Variants in DMD observed in about 807,000 individuals in gnomAD.
The protein encoded by DMD is dystrophin.
Under a neutral mutation model 330.1 loss-of-function variants are expected in DMD, and 63 were observed. The ratio of observed to expected loss-of-function variants is 0.19; its 90% CI spans 0.16 to 0.24. DMD has a LOEUF of 0.24. DMD is among the 10% of genes least tolerant of loss of function. The probability of loss-of-function intolerance (pLI) is 1.00; values close to 1 mark genes in which losing one functional copy is unlikely to be tolerated. For missense variants in DMD, 3,344 were observed against 2,684.1 expected, an observed-to-expected ratio of 1.25 and a Z score of -5.43; for synonymous variants, 1,223 against 959.8, an observed-to-expected ratio of 1.27 and a Z score of -5.07.
intron 1 of DMD, among the ~76,000 whole-genome samples, chrX:33,178,375 G>A (rs1254324284): frequency 2.7e-5 from 3 of 111,648 alleles, no homozygotes; most frequent in African/African-American, 9.8e-5. Flanking sequence ...CCATGGCCCT[G>A]CTCTACCGGC....
At chrX:31,831,637 C>G (rs943116704) in intron 49 of DMD, among the ~76,000 whole-genome samples, 3 of 111,419 alleles carry the variant, frequency 2.7e-5, no homozygotes, top group Admixed American at 9.5e-5. Flanking sequence ...CTCACTCTGT[C>G]ACCCAGGCTG....
At chrX:32,458,578 C>A (rs897756811) in intron 25 of DMD, among the ~76,000 whole-genome samples, 1 of 111,126 alleles carries the variant, frequency 9.0e-6, no homozygotes, top group Non-Finnish European at 1.9e-5. Context: ...AAACTGTTCT[C>A]CCAAATGGCT....
chrX:31,786,287 T>C (rs760537340), intron 50 of DMD, among the ~76,000 whole-genome samples: 1 of 112,003 alleles, frequency 8.9e-6, no homozygotes, highest in South Asian at 3.8e-4. Context: ...CCCCCACTTT[T>C]TGATGGGGTT....
intron 11 of DMD, among the ~76,000 whole-genome samples, chrX:32,619,632 A>G (rs1167753127): frequency 1.8e-5 from 2 of 112,079 alleles, no homozygotes; most frequent in Non-Finnish European, 3.8e-5. Context: ...ATAGCATTTC[A>G]AACAATAAAA....
At chrX:33,192,347 T>C (rs761141175) in intron 1 of DMD, among the ~76,000 whole-genome samples, 2 of 112,262 alleles carry the variant, frequency 1.8e-5, no homozygotes, top group East Asian at 5.6e-4. Context: ...ATGTCAAAAA[T>C]CATGTTAGTA....
chrX:32,574,854 T>A (rs1054178746), intron 13 of DMD, among the ~76,000 whole-genome samples: 2 of 110,801 alleles, frequency 1.8e-5, no homozygotes, highest in African/African-American at 6.6e-5. Context: ...TAACACATGA[T>A]TTAAACAATG....
In DMD at chrX:32,694,482, G is replaced by A. The variant is rs1345345204; in HGVS notation, c.960+3388C>T. Among the ~76,000 whole-genome samples, 3 of 111,386 alleles carry A rather than the reference G, an allele frequency of 2.7e-5. No individual in the cohort carries two copies. In the Admixed American group the frequency reaches 2.9e-4, roughly 11 times the overall value. On this transcript the variant is annotated intron_variant, in intron 9 of 78. Transcript: ENST00000357033. ...AGTTGCTTAAGTAAGAAACCTCACG[G>A]TAATCCTTGATTTCTCTAATTATTT...
intron 62 of DMD, among the ~76,000 whole-genome samples, chrX:31,266,570 C>G (rs2051142626): frequency 8.9e-6 from 1 of 112,184 alleles, no homozygotes; most frequent in African/African-American, 3.2e-5. Context: ...CCGAGCCCGT[C>G]CCAAAGCCGA....
Position 32,429,387 on chromosome X carries a change from G to GTTAT in DMD, c.4071+8853_4071+8854insATAA, listed in dbSNP as rs1191026907. ...ACCAAGCCTGGATACTTTTTTTTGG[G>GTTAT]TTTTTTTTTTTTTTTTTTTTTTTTG... On this transcript the variant is annotated intron_variant, in intron 29 of 78. Transcript: ENST00000357033. 3.4e-3 allele frequency among the ~76,000 whole-genome samples: 152 copies of GTTAT among 44,186 alleles called. 3 individuals carry two copies. The highest frequency in any genetic ancestry group is 0.015 in the African/African-American group (137 of 9,029). The allele number at this position is 44,186 out of a possible 115,157, so 38.4% of individuals were successfully genotyped here.
intron 48 of DMD, among the ~76,000 whole-genome samples, chrX:31,844,423 T>C (rs1396674936): frequency 4.5e-5 from 5 of 111,124 alleles, no homozygotes; most frequent in Non-Finnish European, 9.4e-5. Flanking sequence ...CCATTCTCTT[T>C]GGGTAACTGT....
chrX:31,895,284 C>T (rs867808757), intron 47 of DMD, among the ~76,000 whole-genome samples: 1 of 111,524 alleles, frequency 9.0e-6, no homozygotes, highest in East Asian at 2.8e-4. Flanking sequence ...AGCTATTCTG[C>T]GCAGCCCATT....
intron 74 of DMD, among the ~76,000 whole-genome samples, chrX:31,166,984 G>A (rs1465795031): frequency 9.0e-6 from 1 of 111,633 alleles, no homozygotes; most frequent in Non-Finnish European, 1.9e-5. Context: ...GAATGGTCTT[G>A]GATATCTTCC....
At chrX:32,489,737 T>G (rs998967288) in intron 20 of DMD, among the ~76,000 whole-genome samples, 16 of 108,130 alleles carry the variant, frequency 1.5e-4, no homozygotes, top group South Asian at 7.5e-4. Context: ...TAGGTACTAT[T>G]ACTAACTACT....
intron 1 of DMD, among the ~76,000 whole-genome samples, chrX:33,168,310 A>T (rs1426998367): frequency 1.8e-5 from 2 of 110,917 alleles, no homozygotes. Flanking sequence ...ATTTTTTAAC[A>T]TCAGAAAGAA....
At chrX:32,481,377 TC>T (rs1296152933) in intron 21 of DMD, among the ~76,000 whole-genome samples, 1 of 111,599 alleles carries the variant, frequency 9.0e-6, no homozygotes, top group Non-Finnish European at 1.9e-5. Flanking sequence ...GTATTGCATT[TC>T]TTCTTCACAT....
intron 20 of DMD, among the ~76,000 whole-genome samples, chrX:32,486,436 A>G: frequency 9.0e-6 from 1 of 111,387 alleles, no homozygotes; most frequent in East Asian, 2.8e-4. Flanking sequence ...ATGTGGCTTG[A>G]ATTTGTGGCT....
intron 2 of DMD, among the ~76,000 whole-genome samples, chrX:32,860,050 A>AG (rs2081956336): frequency 8.9e-6 from 1 of 111,912 alleles, no homozygotes; most frequent in African/African-American, 3.3e-5. Context: ...CCACAACACG[A>AG]AAGGACCTAA....
At chrX:31,213,360 C>A (rs2044969349) in intron 64 of DMD, among the ~76,000 whole-genome samples, 1 of 112,366 alleles carries the variant, frequency 8.9e-6, no homozygotes, top group Non-Finnish European at 1.9e-5. Context: ...ACCATTTTTA[C>A]CCGGGCACAG....
intron 64 of DMD, among the ~76,000 whole-genome samples, chrX:31,216,436 A>G (rs2045416075): frequency 8.9e-6 from 1 of 112,700 alleles, no homozygotes; most frequent in Non-Finnish European, 1.9e-5. Context: ...CTGTCAAACC[A>G]TATAAACTGA....
Sources: allele counts gnomAD v4.1 joint callset (sites outside exome capture counted in the v4.1 genomes callset), GRCh38; gene constraint gnomAD v4.1.1; transcripts MANE v1.5; gene names NCBI Gene and HGNC (gene_info 2026-07-23, HGNC 2026-07-21).